ALPL: variants seen among roughly 807,000 people sequenced by gnomAD.
The protein encoded by ALPL is alkaline phosphatase, biomineralization associated.
Under a neutral mutation model 51.3 loss-of-function variants are expected in ALPL, and 42 were observed. The observed-to-expected ratio is 0.82, with a 90% confidence interval of 0.64 to 1.06. The LOEUF is 1.06. Ranked by LOEUF, ALPL falls within the 50% of genes least tolerant of loss-of-function variation. The pLI is 0.00. For synonymous variants in ALPL, 279 were observed against 296.4 expected (o/e 0.94, Z 0.60); for missense variants, 589 against 709.4 (o/e 0.83, Z 1.93).
intron 4 of ALPL, among the ~76,000 whole-genome samples, chr1:21,562,803 C>T (rs1054948317): frequency 1.7e-4 from 26 of 152,078 alleles, no homozygotes; most frequent in Admixed American, 1.7e-3. Context: ...GCTCCTGCAG[C>T]CCCAGGCCCG....
intron 1 of ALPL, among the ~76,000 whole-genome samples, chr1:21,531,004 G>A (rs1644022840): frequency 6.9e-6 from 1 of 144,262 alleles, no homozygotes; most frequent in Non-Finnish European, 1.5e-5. Flanking sequence ...TGTCACCCAG[G>A]CTGGAGTGCA....
intron 1 of ALPL, among the ~76,000 whole-genome samples, chr1:21,549,838 A>T (rs1644298789): frequency 6.6e-6 from 1 of 152,202 alleles, no homozygotes; most frequent in Non-Finnish European, 1.5e-5. Flanking sequence ...ATAAATCTGG[A>T]TTCAGAGTCC....
At chr1:21,530,098 T>A (rs907003437) in intron 1 of ALPL, among the ~76,000 whole-genome samples, 2 of 152,098 alleles carry the variant, frequency 1.3e-5, no homozygotes, top group Non-Finnish European at 2.9e-5. Context: ...TTCTTTAGAA[T>A]TCATTGTGCT....
chr1:21,552,475 G>A (rs187241781), intron 1 of ALPL, among the ~76,000 whole-genome samples: 21 of 111,372 alleles, frequency 1.9e-4, no homozygotes, highest in African/African-American at 6.2e-4. Flanking sequence ...ACAAAACTCC[G>A]TCTCAAAAAA....
intron 3 of ALPL, 138 bp from the exon 4 acceptor site, chr1:21,560,959 C>G (rs1326015198): frequency 1.0e-6 from 1 of 999,570 alleles, no homozygotes; most frequent in African/African-American, 1.6e-5. Context: ...GGGCTGCTCA[C>G]TGACATTTAC....
rs368714904 is a variant in ALPL, at chr1:21,563,193, C to T, written c.381C>T (p.Thr127=). ...YLCGVKANEG[T]VGVSAATERS... The stretch of plus-strand genomic sequence containing the variant: ...GTGGGGTGAAGGCCAATGAGGGCAC[C>T]GTGGGGGTAAGCGCAGCCACTGAGC... The change falls in exon 5 of 12, where the codon ACC becomes ACT. Residue 127 remains threonine (T), a synonymous_variant. Transcript: ENST00000374840. The T allele has an allele frequency of 1.4e-5, 23 of 1,613,962 alleles. No homozygotes were observed. Among genetic ancestry groups the T allele is most frequent in the East Asian group, 4.5e-5 (2 of 44,878 alleles).
intron 1 of ALPL, among the ~76,000 whole-genome samples, chr1:21,539,821 A>AT (rs2148109869): frequency 1.3e-5 from 2 of 151,882 alleles, no homozygotes; most frequent in South Asian, 4.2e-4. Flanking sequence ...AGCCCAGCTA[A>AT]TTTTTTGTAT....
At chr1:21,560,814 A>G in intron 3 of ALPL, 69 bp downstream of exon 3, 2 of 1,595,584 alleles carry the variant, frequency 1.3e-6, no homozygotes, top group South Asian at 1.1e-5. Context: ...AGCCAGGCTG[A>G]GTTGAAGGGG....
At chr1:21,538,386 T>C (rs12128419) in intron 1 of ALPL, among the ~76,000 whole-genome samples, 38,712 of 152,154 alleles carry the variant, frequency 0.25, 6,161 homozygotes, top group South Asian at 0.43. Context: ...TGGAGCGTCC[T>C]CTGGGAATGC....
chr1:21,516,701 A>G (rs1273060953), intron 1 of ALPL, among the ~76,000 whole-genome samples: 1 of 152,222 alleles, frequency 6.6e-6, no homozygotes, highest in African/African-American at 2.4e-5. Context: ...TCTTAAAACC[A>G]TCCAATATAG....
intron 9 of ALPL, among the ~76,000 whole-genome samples, chr1:21,575,254 CA>C (rs1644710846): frequency 6.6e-6 from 1 of 152,100 alleles, no homozygotes; most frequent in South Asian, 2.1e-4. Context: ...GGCTTCCCCA[CA>C]CTAGGCCTCA....
chr1:21,520,374 C>G (rs1367050236), intron 1 of ALPL, among the ~76,000 whole-genome samples: 5 of 152,086 alleles, frequency 3.3e-5, no homozygotes, highest in Admixed American at 6.6e-5. Flanking sequence ...AGGCAATCCT[C>G]CCACCTCAGC....
At chr1:21,546,185 A>T (rs1312101256) in intron 1 of ALPL, among the ~76,000 whole-genome samples, 5 of 152,192 alleles carry the variant, frequency 3.3e-5, no homozygotes, top group Non-Finnish European at 5.9e-5. Flanking sequence ...TGTTGTGAGG[A>T]TCTGACGCAA....
chr1:21,549,753 G>A (rs533230608), intron 1 of ALPL, among the ~76,000 whole-genome samples: 4 of 152,226 alleles, frequency 2.6e-5, no homozygotes, highest in South Asian at 2.1e-4. Context: ...GTGAGCCATC[G>A]CACTTGGCTC....
At chr1:21,530,298 C>A (rs1644010551) in intron 1 of ALPL, among the ~76,000 whole-genome samples, 1 of 152,212 alleles carries the variant, frequency 6.6e-6, no homozygotes, top group East Asian at 1.9e-4. Context: ...TAAATCTGAT[C>A]TAATACGGAT....
In ALPL at chr1:21,554,078, C is replaced by T; in HGVS notation, c.-4C>T. The T allele has an allele frequency of 6.9e-7, 1 of 1,456,266 alleles. No individual in the cohort carries two copies. Among genetic ancestry groups the T allele is most frequent in the Non-Finnish European group, 9.2e-7 (1 of 1,082,652 alleles). The allele number at this position is 1,456,266 out of a possible 1,614,324, so 90.2% of individuals were successfully genotyped here. A position where few individuals can be genotyped will look rare whatever the true frequency, so the allele number is the denominator to read the frequency against. On this transcript the variant is annotated 5_prime_UTR_variant, in exon 2 of 12. Coordinates refer to ENST00000374840, the MANE Select transcript of ALPL (RefSeq NM_000478.6). ...CAGGGATAAAGCAGGTCTTGGGGTG[C>T]ACCATGATTTCACCATTCTTAGTAC...
intron 2 of ALPL, among the ~76,000 whole-genome samples, chr1:21,556,396 G>GT (rs977989218): frequency 6.7e-6 from 1 of 150,316 alleles, no homozygotes; most frequent in African/African-American, 2.5e-5. Flanking sequence ...ATCCCAGTGC[G>GT]TTGGGAGGCT....
upstream of ALPL, chr1:21,509,286 G>A (rs952112654): frequency 6.7e-6 from 1 of 148,400 alleles, no homozygotes; most frequent in Non-Finnish European, 1.5e-5. The surrounding 1 kb of genome is among the most constrained non-coding windows in gnomAD (Gnocchi z 6.0). Flanking sequence ...CCCGCGGGGC[G>A]CGGGGCTCGG....
At chr1:21,509,321 C>G (rs1302589267), upstream of ALPL, 3 of 45,946 alleles carry the variant, frequency 6.5e-5, no homozygotes, top group Admixed American at 7.4e-4. This position sits in a 1 kb window ranked among gnomAD's most constrained non-coding sequence, Gnocchi z 6.0. Context: ...CGGGGCCGGG[C>G]TGGGGAGGGG....
Sources: allele counts gnomAD v4.1 joint callset (sites outside exome capture counted in the v4.1 genomes callset), GRCh38; gene constraint gnomAD v4.1.1; non-coding constraint Gnocchi (gnomAD v3.1); transcripts MANE v1.5; gene names NCBI Gene and HGNC (gene_info 2026-07-23, HGNC 2026-07-21).